LYRM4: variants seen among roughly 807,000 people sequenced by gnomAD.
LYRM4 encodes LYR motif containing 4, also known as LYR motif-containing protein 4.
LYRM4 carries 9 observed loss-of-function variants against 11.7 expected under a neutral mutation model. The ratio of observed to expected loss-of-function variants is 0.77; its 90% CI spans 0.46 to 1.34. The LOEUF is 1.34. Among genes scored for constraint, LYRM4 ranks in the 40% most tolerant of loss-of-function variants. LYRM4 has a pLI of 0.00. For missense variants in LYRM4, 133 were observed against 112.5 expected (o/e 1.18, Z -0.82); for synonymous variants, 42 against 40.4 (o/e 1.04, Z -0.15).
chr6:5,188,340 C>T (rs1471136278), intron 2 of LYRM4, among the ~76,000 whole-genome samples: 1 of 151,416 alleles, frequency 6.6e-6, no homozygotes, highest in African/African-American at 2.4e-5. Flanking sequence ...GCACTCCAGC[C>T]TAGGTGACAG....
At chr6:5,142,279 TG>T (rs1757449463) in intron 2 of LYRM4, among the ~76,000 whole-genome samples, 2 of 152,152 alleles carry the variant, frequency 1.3e-5, no homozygotes, top group South Asian at 4.1e-4. Context: ...GCCGCCATGT[TG>T]TGAGGAAGCC....
chr6:5,137,432 G>T (rs750600852), intron 2 of LYRM4, among the ~76,000 whole-genome samples: 8 of 152,132 alleles, frequency 5.3e-5, no homozygotes, highest in Non-Finnish European at 1.0e-4. Context: ...GACCTGTCAA[G>T]AGATTCTCAG....
chr6:5,179,242 G>T (rs1420683543), intron 2 of LYRM4, among the ~76,000 whole-genome samples: 1 of 152,074 alleles, frequency 6.6e-6, no homozygotes, highest in Non-Finnish European at 1.5e-5. Flanking sequence ...TTTAAAAAGT[G>T]TTTAATTATT....
chr6:5,122,427 A>C (rs1175882161), intron 2 of LYRM4, among the ~76,000 whole-genome samples: 1 of 152,194 alleles, frequency 6.6e-6, no homozygotes, highest in Non-Finnish European at 1.5e-5. Flanking sequence ...AGAACTGGAA[A>C]GGGCTTCCAG....
At chr6:5,200,776 C>G (rs1313774625) in intron 2 of LYRM4, among the ~76,000 whole-genome samples, 1 of 152,146 alleles carries the variant, frequency 6.6e-6, no homozygotes, top group Non-Finnish European at 1.5e-5. Context: ...TGCCTGACTC[C>G]CACACTCAGA....
In LYRM4 at chr6:5,109,195, A is replaced by G; in HGVS notation, c.*228T>C. On this transcript the variant is annotated 3_prime_UTR_variant, in exon 3 of 3. Coordinates refer to ENST00000330636, the MANE Select transcript of LYRM4 (RefSeq NM_020408.6). ...GGGAGACGTGGTAACACACAGCACT[A>G]TTCTGAACGAACTCCAGCTCTCCAT... 7.1e-7 allele frequency: 1 copy of G among 1,408,514 alleles called. No homozygotes were observed. The highest frequency in any genetic ancestry group is 1.4e-5 in the African/African-American group (1 of 69,388). The allele number at this position is 1,408,514 out of a possible 1,614,324, so 87.3% of individuals were successfully genotyped here.
intron 1 of LYRM4, among the ~76,000 whole-genome samples, chr6:5,241,359 A>T (rs979200013): frequency 6.6e-6 from 1 of 152,244 alleles, no homozygotes. Context: ...TTTTCTTCTC[A>T]GTCTACCAAA....
At chr6:5,231,219 C>CA (rs929777779) in intron 1 of LYRM4, among the ~76,000 whole-genome samples, 17 of 151,468 alleles carry the variant, frequency 1.1e-4, no homozygotes, top group Admixed American at 2.6e-4. Context: ...AATAAAAAAC[C>CA]AAAAAAAACC....
At chr6:5,101,449 T>C (rs1332022709), downstream of LYRM4, among the ~76,000 whole-genome samples, 3 of 152,222 alleles carry the variant, frequency 2.0e-5, no homozygotes, top group African/African-American at 7.2e-5. Context: ...TGAAAATCCT[T>C]ATAGCAACCC....
downstream of LYRM4, chr6:5,104,202 T>A (rs1762592488): frequency 6.6e-6 from 1 of 152,412 alleles, no homozygotes; most frequent in Admixed American, 6.5e-5. Context: ...GAGCTTTGCC[T>A]AAAGCAGGAA....
At chr6:5,256,423 G>C (rs1232130665) in intron 1 of LYRM4, among the ~76,000 whole-genome samples, 1 of 142,100 alleles carries the variant, frequency 7.0e-6, no homozygotes, top group East Asian at 2.1e-4. Flanking sequence ...CTGGGAGGTG[G>C]AGGTTGCAGT....
chr6:5,163,773 C>T (rs1758908755), intron 2 of LYRM4, among the ~76,000 whole-genome samples: 1 of 151,962 alleles, frequency 6.6e-6, no homozygotes, highest in Non-Finnish European at 1.5e-5. Flanking sequence ...ACCACCATGC[C>T]TGGCTAATTT....
intron 2 of LYRM4, among the ~76,000 whole-genome samples, chr6:5,185,034 G>C (rs538474642): frequency 6.6e-6 from 1 of 152,216 alleles, no homozygotes; most frequent in African/African-American, 2.4e-5. Context: ...TGTCATTGAC[G>C]CACTGAAGTC....
At chr6:5,180,689 C>A (rs956585011) in intron 2 of LYRM4, among the ~76,000 whole-genome samples, 2 of 152,202 alleles carry the variant, frequency 1.3e-5, no homozygotes, top group Non-Finnish European at 2.9e-5. Flanking sequence ...AGCTGCTCTG[C>A]CAGCGTGGAC....
chr6:5,248,010 C>T (rs1189541153), intron 1 of LYRM4, among the ~76,000 whole-genome samples: 1 of 152,124 alleles, frequency 6.6e-6, no homozygotes, highest in Non-Finnish European at 1.5e-5. Flanking sequence ...ATCCAGGTAC[C>T]TGCTTTAAGA....
chr6:5,252,070 G>A (rs541421394), intron 1 of LYRM4, among the ~76,000 whole-genome samples: 7 of 152,292 alleles, frequency 4.6e-5, no homozygotes, highest in East Asian at 3.9e-4. Context: ...GAGACCTGAC[G>A]TTGATCAGCA....
chr6:5,081,397 G>A, the LYRM4 span, among the ~76,000 whole-genome samples: 3 of 152,268 alleles, frequency 2.0e-5, no homozygotes, highest in South Asian at 2.1e-4. Context: ...GGGAGGACCC[G>A]AAGTCCCCAT....
the LYRM4 span, among the ~76,000 whole-genome samples, chr6:5,050,599 C>T: frequency 6.6e-6 from 1 of 152,072 alleles, no homozygotes; most frequent in Admixed American, 6.5e-5. Context: ...ACATCAACAA[C>T]AACAACATAT....
chr6:5,086,089 C>G, the LYRM4 span: 1 of 1,467,746 alleles, frequency 6.8e-7, no homozygotes, highest in Non-Finnish European at 8.9e-7. Context: ...GCCGCTCTTC[C>G]AGCTCCCGGG....
Sources: allele counts gnomAD v4.1 joint callset (sites outside exome capture counted in the v4.1 genomes callset), GRCh38; gene constraint gnomAD v4.1.1; transcripts MANE v1.5; gene names NCBI Gene and HGNC (gene_info 2026-07-23, HGNC 2026-07-21).